Variants in CHAF1A observed in about 807,000 individuals in gnomAD.
The protein encoded by CHAF1A is CAF-1 subunit A.
Under a neutral mutation model 93.2 loss-of-function variants are expected in CHAF1A, and 5 were observed. That is an observed-to-expected ratio of 0.05 (90% CI 0.03 to 0.11). The LOEUF is 0.11. Among genes scored for constraint, CHAF1A ranks in the 10% least tolerant of loss-of-function variants. The pLI is 1.00. For missense variants in CHAF1A, 1,102 were observed against 1,259.9 expected (o/e 0.87, Z 1.90); for synonymous variants, 504 against 510.3 (o/e 0.99, Z 0.17).
chr19:4,417,989 G>A (rs370461084), intron 3 of CHAF1A, 31 bp from the exon 4 acceptor site: 695 of 1,504,824 alleles, frequency 4.6e-4, no homozygotes, highest in Non-Finnish European at 5.7e-4. Context: ...GAAATAACCC[G>A]TGTTTAAAGA....
rs375938965 is a variant in CHAF1A, at chr19:4,406,463, C to T, written c.103+501C>T. Among the ~76,000 whole-genome samples, 175 of 139,186 alleles carry T rather than the reference C, an allele frequency of 1.3e-3. 4 individuals are homozygous for T. In the South Asian group the frequency reaches 0.038, roughly 30 times the overall value. The allele number at this position is 139,186 out of a possible 152,430, so 91.3% of individuals were successfully genotyped here. On this transcript the variant is annotated intron_variant, in intron 2 of 14. Coordinates refer to ENST00000301280, the MANE Select transcript of CHAF1A (RefSeq NM_005483.3). The stretch of plus-strand genomic sequence containing the variant: ...TTTTTTTTTTTTTTTGAGACGGAGT[C>T]TCATTCTGTTGCCCAGGCTGGAGTG...
intron 13 of CHAF1A, among the ~76,000 whole-genome samples, chr19:4,439,013 G>A (rs1022858139): frequency 2.0e-5 from 3 of 151,418 alleles, no homozygotes; most frequent in African/African-American, 4.9e-5. Context: ...GGGTGCAGTG[G>A]CTCACGCTTG....
chr19:4,447,625 C>G, downstream of CHAF1A: 1 of 1,613,886 alleles, frequency 6.2e-7, no homozygotes. Flanking sequence ...TGTCCAGGTA[C>G]CTGGGGTAGG....
Position 4,428,806 on chromosome 19 carries a change from CCTT to C in CHAF1A, c.1524_1526del (p.Phe508del). The C allele has an allele frequency of 2.5e-6, 4 of 1,614,102 alleles. No individual in the cohort carries two copies. Among genetic ancestry groups the C allele is most frequent in the East Asian group, 2.2e-5 (1 of 44,880 alleles). ...CTCCAGCAGCAGAGCGGCGAGTTCT[CCTT>C]CTTGAAAGACCTCAAAGGCCGGCAG... is the stretch of plus-strand genomic sequence containing the variant. On this transcript the variant is annotated inframe_deletion, in exon 8 of 15. Transcript: ENST00000301280.
chr19:4,402,837 G>T (rs1020903639), intron 1 of CHAF1A, 23 bp downstream of exon 1: 17 of 1,194,544 alleles, frequency 1.4e-5, no homozygotes, highest in Admixed American at 1.3e-4. Context: ...CCGCGCCGAG[G>T]GGAAGGGGGG....
downstream of CHAF1A, chr19:4,448,476 T>C: frequency 7.2e-7 from 1 of 1,383,766 alleles, no homozygotes; most frequent in Non-Finnish European, 1.0e-6. Flanking sequence ...GGCCCTCCGC[T>C]GCCCAGGTAA....
intron 3 of CHAF1A, among the ~76,000 whole-genome samples, chr19:4,416,698 T>C (rs1382680687): frequency 6.6e-6 from 1 of 152,152 alleles, no homozygotes; most frequent in Non-Finnish European, 1.5e-5. Flanking sequence ...GAGACCAGCC[T>C]GGCCAACATG....
At chr19:4,417,548 T>C (rs1048979442) in intron 3 of CHAF1A, among the ~76,000 whole-genome samples, 3 of 147,804 alleles carry the variant, frequency 2.0e-5, no homozygotes, top group African/African-American at 7.4e-5. Flanking sequence ...GCAACCTCCT[T>C]CTCCTGGGTT....
Position 4,436,582 on chromosome 19 carries a change from G to A in CHAF1A, c.2673+3043G>A, listed in dbSNP as rs553768424. 3.9e-5 allele frequency among the ~76,000 whole-genome samples: 6 copies of A among 152,302 alleles called. No homozygotes were observed. The East Asian group carries it at 7.7e-4, about 20-fold the overall frequency. ...TCCCCAGCCTGAAAATGATCGGGGC[G>A]GGAAGGTACTATCTGGTTGTGTCAC... On this transcript the variant is annotated intron_variant, in intron 13 of 14. Coordinates refer to ENST00000301280, the MANE Select transcript of CHAF1A (RefSeq NM_005483.3).
At chr19:4,410,088 T>A (rs912789129) in intron 3 of CHAF1A, among the ~76,000 whole-genome samples, 5 of 152,196 alleles carry the variant, frequency 3.3e-5, no homozygotes, top group Non-Finnish European at 4.4e-5. Context: ...CTGTAACCCC[T>A]CACTTCAGAT....
intron 2 of CHAF1A, 101 bp from the exon 3 acceptor site, chr19:4,408,802 T>TA: frequency 1.4e-6 from 2 of 1,433,710 alleles, no homozygotes; most frequent in Non-Finnish European, 1.9e-6. Flanking sequence ...ACTTTAAAAT[T>TA]ATCTCCCACC....
intron 3 of CHAF1A, among the ~76,000 whole-genome samples, chr19:4,412,997 T>C (rs935311174): frequency 6.6e-6 from 1 of 152,196 alleles, no homozygotes; most frequent in African/African-American, 2.4e-5. Flanking sequence ...CCCTACTTTA[T>C]CTCCGAACCT....
downstream of CHAF1A, chr19:4,447,038 G>A: frequency 9.7e-7 from 1 of 1,031,868 alleles, no homozygotes; most frequent in Non-Finnish European, 1.4e-6. Context: ...CCCCTGGATG[G>A]GGCCCAGCCC....
chr19:4,419,841 C>T (rs967312671), intron 4 of CHAF1A, among the ~76,000 whole-genome samples: 1 of 152,208 alleles, frequency 6.6e-6, no homozygotes. Flanking sequence ...AAGTATCCAA[C>T]GGCGGCTGAA....
downstream of CHAF1A, chr19:4,446,187 G>A (rs183725976): frequency 5.5e-5 from 88 of 1,604,522 alleles, no homozygotes; most frequent in African/African-American, 5.1e-4. Context: ...GCTCCCGAGC[G>A]TAGAAAGTGC....
chr19:4,423,524 A>C, intron 6 of CHAF1A, 129 bp downstream of exon 6: 1 of 1,490,550 alleles, frequency 6.7e-7, no homozygotes, highest in Non-Finnish European at 9.1e-7. Flanking sequence ...GCCCGCAGGG[A>C]GGGCGAGTCT....
intron 1 of CHAF1A, 144 bp downstream of exon 1, chr19:4,402,958 C>G (rs1295047280): frequency 2.6e-6 from 1 of 384,110 alleles, no homozygotes; most frequent in Non-Finnish European, 4.3e-6. Context: ...CCTTCTCATC[C>G]CCAGCGAGGG....
In CHAF1A at chr19:4,402,661, CGGCGGCA is replaced by C; in HGVS notation, c.-100_-94del. The C allele has an allele frequency of 1.3e-6, 1 of 767,564 alleles. No individual in the cohort carries two copies. Among genetic ancestry groups the C allele is most frequent in the Non-Finnish European group, 1.7e-6 (1 of 582,764 alleles). The allele number at this position is 767,564 out of a possible 1,614,324, so 47.5% of individuals were successfully genotyped here. A position where few individuals can be genotyped will look rare whatever the true frequency, so the allele number is the denominator to read the frequency against. ...CCGCCAAATACGAGCGCGGCGGCCG[CGGCGGCA>C]GCAGCGGCGCGGGCGGGAGGGCGAA... On this transcript the variant is annotated 5_prime_UTR_variant, in exon 1 of 15. Transcript: ENST00000301280.
Position 4,428,992 on chromosome 19 carries a change from C to T in CHAF1A, c.1604+102C>T, listed in dbSNP as rs534602987. ...GTGGGAGCTCTGGGTCCTTCTGTTG[C>T]TTGCTTCCTAGTGCCCTCGGGCCCT... On this transcript the variant is annotated intron_variant, in intron 8 of 14. Transcript: ENST00000301280. 3 of 946,992 alleles carry T rather than the reference C, an allele frequency of 3.2e-6. No individual in the cohort carries two copies. The African/African-American group carries it at 4.9e-5, about 16-fold the overall frequency. The allele number at this position is 946,992 out of a possible 1,614,324, so 58.7% of individuals were successfully genotyped here. A position where few individuals can be genotyped will look rare whatever the true frequency, so the allele number is the denominator to read the frequency against.
Sources: gnomAD v4.1 joint callset for allele counts (sites outside exome capture counted in the v4.1 genomes callset) on GRCh38, gnomAD v4.1.1 for gene constraint, MANE v1.5 for transcripts, NCBI Gene and HGNC (gene_info 2026-07-23, HGNC 2026-07-21) for gene names.